Variants in DMD observed in about 807,000 individuals in gnomAD.
DMD encodes the protein dystrophin.
A neutral mutation model predicts 330.1 loss-of-function variants in DMD; 63 were observed. The observed-to-expected ratio is 0.19, with a 90% CI of 0.16 to 0.24. DMD has a LOEUF of 0.24. Ranked by LOEUF, DMD falls within the 10% of genes least tolerant of loss-of-function variation. The probability of loss-of-function intolerance (pLI) is 1.00; values close to 1 mark genes in which losing one functional copy is unlikely to be tolerated. For synonymous variants in DMD, 1,223 were observed against 959.8 expected, an observed-to-expected ratio of 1.27 and a Z score of -5.07; for missense variants, 3,344 against 2,684.1, an observed-to-expected ratio of 1.25 and a Z score of -5.43.
At chrX:32,716,288 G>T (rs1047171150) in intron 7 of DMD, among the ~76,000 whole-genome samples, 2 of 110,783 alleles carry the variant, frequency 1.8e-5, no homozygotes, top group African/African-American at 6.6e-5. Flanking sequence ...TTTCCCAGTT[G>T]CTGTTCTCAT....
At chrX:32,670,698 C>A (rs1473702017) in intron 9 of DMD, among the ~76,000 whole-genome samples, 1 of 112,186 alleles carries the variant, frequency 8.9e-6, no homozygotes. Context: ...CAACATGAAA[C>A]CACTGGTTGA....
intron 2 of DMD, among the ~76,000 whole-genome samples, chrX:32,856,481 T>C (rs764667169): frequency 2.8e-5 from 3 of 108,754 alleles, no homozygotes; most frequent in Non-Finnish European, 5.7e-5. Flanking sequence ...TACTCAGTCA[T>C]AAAAAAAAAT....
chrX:32,633,388 C>T (rs1042386073), intron 11 of DMD, among the ~76,000 whole-genome samples: 2 of 111,947 alleles, frequency 1.8e-5, no homozygotes, highest in Non-Finnish European at 3.8e-5. Context: ...TCTGAGACCT[C>T]GACAGCTTGG....
intron 4 of DMD, among the ~76,000 whole-genome samples, chrX:32,837,454 C>T (rs780926276): frequency 9.0e-6 from 1 of 111,262 alleles, no homozygotes; most frequent in East Asian, 2.9e-4. Flanking sequence ...ACAGTTGTGT[C>T]CAGTGGCGCT....
chrX:33,237,791 TCTTGTA>T (rs1352123540), intron 1 of DMD, among the ~76,000 whole-genome samples: 3 of 112,347 alleles, frequency 2.7e-5, no homozygotes, highest in Non-Finnish European at 5.6e-5. Flanking sequence ...TTTTGATATA[TCTTGTA>T]CTTGATTGTC....
intron 29 of DMD, among the ~76,000 whole-genome samples, chrX:32,427,770 T>A (rs1236315753): frequency 1.8e-5 from 2 of 111,634 alleles, no homozygotes; most frequent in Middle Eastern, 4.8e-3. Context: ...TAATATAGTC[T>A]TTGTAGGAAG....
intron 62 of DMD, among the ~76,000 whole-genome samples, chrX:31,310,384 T>C (rs1249273096): frequency 1.8e-5 from 2 of 110,129 alleles, no homozygotes; most frequent in Admixed American, 1.9e-4. Flanking sequence ...TTCTTTTCTA[T>C]TATTTGATTT....
intron 47 of DMD, among the ~76,000 whole-genome samples, chrX:31,884,603 C>T (rs763815714): frequency 2.5e-4 from 28 of 111,266 alleles, no homozygotes; most frequent in Non-Finnish European, 4.7e-4. Flanking sequence ...GTAACAATAA[C>T]GTATACTTGG....
At chrX:32,446,098 G>A (rs184047178) in intron 27 of DMD, among the ~76,000 whole-genome samples, 1 of 110,643 alleles carries the variant, frequency 9.0e-6, no homozygotes, top group Admixed American at 9.6e-5. Context: ...CTCTAAGAAA[G>A]TTTTCCCTTA....
At chrX:33,007,109 C>T (rs1365008643) in intron 2 of DMD, among the ~76,000 whole-genome samples, 1 of 111,138 alleles carries the variant, frequency 9.0e-6, no homozygotes, top group East Asian at 2.8e-4. Flanking sequence ...ACCTTTACAT[C>T]CTACATTCTA....
At chrX:32,456,690 A>C (rs184366315) in intron 25 of DMD, among the ~76,000 whole-genome samples, 48 of 107,302 alleles carry the variant, frequency 4.5e-4, no homozygotes, top group African/African-American at 1.5e-3. Context: ...GAAGGCAAAA[A>C]CGACAGCATT....
At chrX:31,535,612 G>C (rs192219426) in intron 55 of DMD, among the ~76,000 whole-genome samples, 60 of 109,728 alleles carry the variant, frequency 5.5e-4, no homozygotes, top group African/African-American at 2.0e-3. Context: ...CAAAAGCAAT[G>C]GCAACAAAAG....
intron 43 of DMD, among the ~76,000 whole-genome samples, chrX:32,249,726 A>G (rs1316928494): frequency 9.0e-6 from 1 of 111,613 alleles, no homozygotes; most frequent in African/African-American, 3.3e-5. Context: ...TCCTGTCAAT[A>G]TTCGACACAA....
chrX:31,151,991 T>A (rs2037470745), intron 74 of DMD, among the ~76,000 whole-genome samples: 1 of 112,226 alleles, frequency 8.9e-6, no homozygotes. Context: ...CAGCATCATC[T>A]TCTAATTCCC....
intron 48 of DMD, among the ~76,000 whole-genome samples, chrX:31,852,829 A>T (rs3859977): frequency 0.11 from 12,334 of 111,832 alleles, 564 homozygotes; most frequent in South Asian, 0.23. Context: ...TTTTCTATAA[A>T]CTCCTTATAT....
At chrX:31,553,090 C>G (rs1466330991) in intron 55 of DMD, among the ~76,000 whole-genome samples, 1 of 111,740 alleles carries the variant, frequency 8.9e-6, no homozygotes, top group Non-Finnish European at 1.9e-5. Context: ...CCCCTGAGAA[C>G]TTGTTAGAGA....
intron 18 of DMD, among the ~76,000 whole-genome samples, chrX:32,509,154 G>A (rs1174368328): frequency 9.9e-6 from 1 of 101,179 alleles, no homozygotes; most frequent in Non-Finnish European, 2.0e-5. Flanking sequence ...TACCTTGTTC[G>A]TGGAAATGTC....
intron 44 of DMD, among the ~76,000 whole-genome samples, chrX:32,151,626 C>G (rs1370960025): frequency 8.9e-6 from 1 of 112,005 alleles, no homozygotes; most frequent in Non-Finnish European, 1.9e-5. Flanking sequence ...ACTGTCTTCT[C>G]TAGTACAGGT....
chrX:32,895,531 G>C (rs2085630121), intron 2 of DMD, among the ~76,000 whole-genome samples: 1 of 111,544 alleles, frequency 9.0e-6, no homozygotes, highest in African/African-American at 3.3e-5. Flanking sequence ...GTTGATAAGG[G>C]TCAAGGGTTT....
Sources: gnomAD v4.1 joint callset for allele counts (sites outside exome capture counted in the v4.1 genomes callset) on GRCh38, gnomAD v4.1.1 for gene constraint, MANE v1.5 for transcripts, NCBI Gene and HGNC (gene_info 2026-07-23, HGNC 2026-07-21) for gene names.